The following ST6GALNAC5 variants were observed in gnomAD, a reference collection of about 807,000 sequenced individuals.
ST6GALNAC5 encodes ST6 N-acetylgalactosaminide alpha-2,6-sialyltransferase 5, also known as alpha-N-acetylgalactosaminide alpha-2,6-sialyltransferase 5.
Under a neutral mutation model 33.6 loss-of-function variants are expected in ST6GALNAC5, and 27 were observed. The ratio of observed to expected loss-of-function variants is 0.80; its 90% CI spans 0.59 to 1.11. The LOEUF (loss-of-function observed/expected upper bound fraction) is 1.11. Among genes scored for constraint, ST6GALNAC5 ranks in the 50% least tolerant of loss-of-function variants. ST6GALNAC5 has a pLI of 0.00. For missense variants in ST6GALNAC5, 428 were observed against 454.0 expected (o/e 0.94, Z 0.52); for synonymous variants, 194 against 171.2 (o/e 1.13, Z -1.04).
intron 2 of ST6GALNAC5, among the ~76,000 whole-genome samples, chr1:76,993,124 A>T (rs987258342): frequency 2.0e-5 from 3 of 152,170 alleles, no homozygotes; most frequent in Admixed American, 6.5e-5. Context: ...CTTCCCCAGG[A>T]GTTCCTATTT....
At chr1:77,035,084 G>A (rs935658635) in intron 2 of ST6GALNAC5, among the ~76,000 whole-genome samples, 4 of 152,046 alleles carry the variant, frequency 2.6e-5, no homozygotes, top group Non-Finnish European at 5.9e-5. Context: ...CAGATTGCTG[G>A]GCCCCATCAT....
At chr1:76,982,620 C>T (rs147030439) in intron 2 of ST6GALNAC5, among the ~76,000 whole-genome samples, 1 of 152,168 alleles carries the variant, frequency 6.6e-6, no homozygotes, top group African/African-American at 2.4e-5. Flanking sequence ...CTTCCCTAAC[C>T]TAGCAAGGCA....
At chr1:76,985,430 A>C (rs1222056032) in intron 2 of ST6GALNAC5, among the ~76,000 whole-genome samples, 1 of 152,168 alleles carries the variant, frequency 6.6e-6, no homozygotes, top group African/African-American at 2.4e-5. Context: ...AGAGAATAAA[A>C]TACCTAGAAA....
intron 2 of ST6GALNAC5, among the ~76,000 whole-genome samples, chr1:77,004,403 T>G (rs1243636946): frequency 7.1e-6 from 1 of 141,712 alleles, no homozygotes; most frequent in Non-Finnish European, 1.6e-5. Flanking sequence ...CTAAATTTTT[T>G]CAAAGTTTTC....
chr1:76,982,029 G>A (rs562123057), intron 2 of ST6GALNAC5, among the ~76,000 whole-genome samples: 9 of 152,228 alleles, frequency 5.9e-5, no homozygotes, highest in African/African-American at 2.2e-4. Flanking sequence ...AAAGAACAAA[G>A]GTAGATAAAA....
At chr1:77,041,111 C>T (rs1651817535) in intron 2 of ST6GALNAC5, among the ~76,000 whole-genome samples, 1 of 152,228 alleles carries the variant, frequency 6.6e-6, no homozygotes. Context: ...AAGCACATTT[C>T]CCAAGTCTTG....
intron 2 of ST6GALNAC5, among the ~76,000 whole-genome samples, chr1:76,952,466 C>T (rs189384212): frequency 6.6e-5 from 10 of 151,958 alleles, no homozygotes; most frequent in Middle Eastern, 3.4e-3. Context: ...AAAAAGAGAC[C>T]GGAGTATCCT....
At chr1:76,929,415 C>T (rs1420763827) in intron 2 of ST6GALNAC5, among the ~76,000 whole-genome samples, 3 of 151,976 alleles carry the variant, frequency 2.0e-5, no homozygotes, top group African/African-American at 4.8e-5. Flanking sequence ...GTTGCATGCC[C>T]GTAGTCCCAT....
At chr1:77,061,993 C>A (rs573032063) in intron 4 of ST6GALNAC5, among the ~76,000 whole-genome samples, 2 of 152,236 alleles carry the variant, frequency 1.3e-5, no homozygotes, top group South Asian at 4.1e-4. Context: ...AAATCGTGGC[C>A]TCTTGTTTGC....
At position 77,044,452 on chromosome 1, in the gene ST6GALNAC5, C is replaced by T. The variant is rs760278279; in HGVS notation, c.510C>T (p.Phe170=). 1.9e-6 allele frequency: 3 copies of T among 1,613,400 alleles called. No individual in the cohort carries two copies. The South Asian group carries it at 3.3e-5, about 18-fold the overall frequency. The part of the protein sequence containing the change: ...LNVSQGTVFI[F]WGPSSYMRRD... ...TGAGCCAGGGCACCGTGTTCATCTT[C>T]TGGGGCCCCAGCAGCTACATGCGGC... The change falls in exon 3 of 5, where the codon TTC becomes TTT. Residue 170 remains phenylalanine, a synonymous_variant. Coordinates refer to ENST00000477717, the MANE Select transcript of ST6GALNAC5 (RefSeq NM_030965.3).
intron 2 of ST6GALNAC5, among the ~76,000 whole-genome samples, chr1:77,021,371 T>C (rs1318441760): frequency 6.6e-6 from 1 of 152,196 alleles, no homozygotes; most frequent in Non-Finnish European, 1.5e-5. Flanking sequence ...GAAACTAGAA[T>C]GTGGTTCCTC....
chr1:76,898,090 G>C (rs1462279440), intron 2 of ST6GALNAC5, among the ~76,000 whole-genome samples: 2 of 152,222 alleles, frequency 1.3e-5, no homozygotes, highest in Non-Finnish European at 2.9e-5. Flanking sequence ...CCTTGGGCCA[G>C]AGTTCCAGGG....
At chr1:76,937,700 A>AGG (rs1647225619) in intron 2 of ST6GALNAC5, among the ~76,000 whole-genome samples, 1 of 152,086 alleles carries the variant, frequency 6.6e-6, no homozygotes, top group Non-Finnish European at 1.5e-5. Flanking sequence ...CCTGTACCTC[A>AGG]CACTGATGTT....
intron 2 of ST6GALNAC5, among the ~76,000 whole-genome samples, chr1:76,994,621 C>A (rs781012866): frequency 1.3e-5 from 2 of 152,182 alleles, no homozygotes; most frequent in Non-Finnish European, 2.9e-5. Flanking sequence ...TTGTGTGTTA[C>A]CTTTTAGAAA....
intron 2 of ST6GALNAC5, among the ~76,000 whole-genome samples, chr1:76,934,626 T>C (rs1426676544): frequency 6.6e-6 from 1 of 152,036 alleles, no homozygotes; most frequent in Non-Finnish European, 1.5e-5. Context: ...GCTGCGAAGT[T>C]CCTGCTTCAT....
intron 2 of ST6GALNAC5, among the ~76,000 whole-genome samples, chr1:76,999,087 A>G (rs1650045070): frequency 6.6e-6 from 1 of 152,130 alleles, no homozygotes; most frequent in Non-Finnish European, 1.5e-5. Flanking sequence ...AAAAGGTTAA[A>G]ATTACCTTTT....
At chr1:76,916,460 A>G (rs935467093) in intron 2 of ST6GALNAC5, among the ~76,000 whole-genome samples, 2 of 152,190 alleles carry the variant, frequency 1.3e-5, no homozygotes, top group Non-Finnish European at 2.9e-5. Context: ...TTTTATGATC[A>G]AAAAATTTTC....
intron 2 of ST6GALNAC5, among the ~76,000 whole-genome samples, chr1:76,914,409 C>T (rs1232512793): frequency 6.6e-6 from 1 of 152,154 alleles, no homozygotes; most frequent in Non-Finnish European, 1.5e-5. Flanking sequence ...AAGAACAAAG[C>T]TGGAGGCATC....
chr1:76,983,130 C>A (rs1329190444), intron 2 of ST6GALNAC5, among the ~76,000 whole-genome samples: 1 of 152,138 alleles, frequency 6.6e-6, no homozygotes, highest in Non-Finnish European at 1.5e-5. Flanking sequence ...CAGCAAACAT[C>A]ATAATGACAG....
Sources: gnomAD v4.1 joint callset for allele counts (sites outside exome capture counted in the v4.1 genomes callset) on GRCh38, gnomAD v4.1.1 for gene constraint, MANE v1.5 for transcripts, NCBI Gene and HGNC (gene_info 2026-07-23, HGNC 2026-07-21) for gene names.